Variants in IGSF11 observed in about 807,000 individuals in gnomAD.
IGSF11 encodes the protein CXADR like 1.
A neutral mutation model predicts 41.0 loss-of-function variants in IGSF11; 22 were observed. The observed-to-expected ratio is 0.54, with a 90% confidence interval of 0.38 to 0.77. IGSF11 has a LOEUF of 0.77. Among genes scored for constraint, IGSF11 ranks in the 30% least tolerant of loss-of-function variants. The pLI, the probability that IGSF11 is intolerant of heterozygous loss-of-function variation, is 0.00. For missense variants in IGSF11, 444 were observed against 530.8 expected (o/e 0.84, Z 1.61); for synonymous variants, 219 against 201.3 (o/e 1.09, Z -0.74).
chr3:118,979,285 C>T (rs1463375735), intron 1 of IGSF11, among the ~76,000 whole-genome samples: 1 of 151,828 alleles, frequency 6.6e-6, no homozygotes, highest in Non-Finnish European at 1.5e-5. Context: ...ATAAGGCAAC[C>T]AAATATTCAA....
At chr3:119,062,723 T>C (rs1256536997) in intron 1 of IGSF11, among the ~76,000 whole-genome samples, 1 of 152,196 alleles carries the variant, frequency 6.6e-6, no homozygotes, top group African/African-American at 2.4e-5. Context: ...CTATATTGAT[T>C]GATACTTCCA....
intron 1 of IGSF11, among the ~76,000 whole-genome samples, chr3:119,008,186 G>A (rs1333119373): frequency 2.0e-5 from 3 of 151,692 alleles, no homozygotes; most frequent in East Asian, 1.9e-4. Context: ...CAAAAAAAAC[G>A]TAAATAAAAA....
chr3:119,069,515 A>T (rs1386535772), intron 1 of IGSF11, among the ~76,000 whole-genome samples: 2 of 152,190 alleles, frequency 1.3e-5, no homozygotes, highest in African/African-American at 4.8e-5. Context: ...ACATATATTG[A>T]TTATGAAAAG....
intron 1 of IGSF11, among the ~76,000 whole-genome samples, chr3:119,054,937 C>T (rs922893534): frequency 7.9e-5 from 12 of 152,242 alleles, no homozygotes; most frequent in South Asian, 4.2e-4. Context: ...CAAGTACGGG[C>T]GGACTGACAC....
At position 119,042,354 on chromosome 3, in the gene IGSF11, A is replaced by G. The variant is rs145801690; in HGVS notation, c.49+62790T>C. ...TGAGAGCCCTGCTTGTTTTCTCAGC[A>G]GGGAGGGTTGTAGCCTTGGGCAAGA... On this transcript the variant is annotated intron_variant, in intron 1 of 6. Transcript: ENST00000354673. Among the ~76,000 whole-genome samples the G allele has an allele frequency of 3.1e-3, 479 of 152,334 alleles. 1 individual carries two copies. The highest frequency in any genetic ancestry group is 0.01 in the Middle Eastern group (3 of 294).
At chr3:119,123,100 G>C (rs1435063386) in intron 1 of IGSF11, among the ~76,000 whole-genome samples, 1 of 152,108 alleles carries the variant, frequency 6.6e-6, no homozygotes, top group Non-Finnish European at 1.5e-5. Flanking sequence ...CCCATGCTGG[G>C]CCAGAGGGAA....
chr3:119,053,668 C>T (rs1400298666), intron 1 of IGSF11, among the ~76,000 whole-genome samples: 1 of 151,990 alleles, frequency 6.6e-6, no homozygotes, highest in Non-Finnish European at 1.5e-5. Flanking sequence ...AAAAATAATC[C>T]TAAAATTTGT....
intron 4 of IGSF11, among the ~76,000 whole-genome samples, chr3:118,913,703 T>C (rs946914135): frequency 6.6e-6 from 1 of 152,154 alleles, no homozygotes; most frequent in Middle Eastern, 3.4e-3. Flanking sequence ...ATGACTGTGA[T>C]GAAAGAAGCA....
At chr3:119,065,058 T>A (rs78906827) in intron 1 of IGSF11, among the ~76,000 whole-genome samples, 7,030 of 152,280 alleles carry the variant, frequency 0.046, 298 homozygotes, top group Admixed American at 0.14. Context: ...TAAGTGTTGG[T>A]AGCTGGCCTC....
intron 1 of IGSF11, among the ~76,000 whole-genome samples, chr3:119,039,934 G>T (rs1941056380): frequency 6.6e-6 from 1 of 152,076 alleles, no homozygotes; most frequent in African/African-American, 2.4e-5. Flanking sequence ...TTTCATTCCT[G>T]GGCGTAGGCT....
chr3:118,971,839 G>A (rs544344721), intron 1 of IGSF11, among the ~76,000 whole-genome samples: 28 of 151,716 alleles, frequency 1.8e-4, no homozygotes, highest in African/African-American at 6.0e-4. Flanking sequence ...ACAGTTGCTG[G>A]ATAGAAGAAA....
At chr3:118,905,849 G>T in intron 4 of IGSF11, 131 bp from the exon 5 acceptor site, 1 of 972,082 alleles carries the variant, frequency 1.0e-6, no homozygotes, top group Non-Finnish European at 1.5e-6. Flanking sequence ...TGGGGGTAGG[G>T]TGAGAAATTA....
At chr3:119,135,106 A>G (rs1410507042) in intron 1 of IGSF11, among the ~76,000 whole-genome samples, 1 of 152,164 alleles carries the variant, frequency 6.6e-6, no homozygotes, top group Non-Finnish European at 1.5e-5. Flanking sequence ...AACCATAAAA[A>G]CCCTAGAAGA....
chr3:118,926,069 T>G, intron 4 of IGSF11, 32 bp downstream of exon 4: 1 of 1,411,150 alleles, frequency 7.1e-7, no homozygotes. Flanking sequence ...CCATGATAAC[T>G]AATAAAATGG....
intron 1 of IGSF11, among the ~76,000 whole-genome samples, chr3:119,070,650 C>G (rs918905462): frequency 6.6e-6 from 1 of 151,662 alleles, no homozygotes; most frequent in South Asian, 2.1e-4. Flanking sequence ...TTGATGTTTG[C>G]TTTGTTTTGG....
chr3:119,143,532 A>AC (rs2077677143), intron 1 of IGSF11, among the ~76,000 whole-genome samples: 1 of 152,182 alleles, frequency 6.6e-6, no homozygotes, highest in African/African-American at 2.4e-5. Context: ...AATCAACTAA[A>AC]CACAAAGGAT....
intron 1 of IGSF11, among the ~76,000 whole-genome samples, chr3:119,050,338 C>T (rs998268835): frequency 5.9e-5 from 9 of 152,242 alleles, no homozygotes; most frequent in African/African-American, 1.2e-4. Flanking sequence ...GGGCAAAGGA[C>T]GTGAACAGAC....
chr3:119,038,323 C>T (rs1940989270), upstream of IGSF11, among the ~76,000 whole-genome samples: 1 of 152,160 alleles, frequency 6.6e-6, no homozygotes, highest in African/African-American at 2.4e-5. Context: ...ATATTGATAT[C>T]TTGTTGTCTT....
chr3:118,926,419 A>G (rs1419930409), intron 3 of IGSF11, among the ~76,000 whole-genome samples, 163 bp from the exon 4 acceptor site: 1 of 152,172 alleles, frequency 6.6e-6, no homozygotes, highest in African/African-American at 2.4e-5. Flanking sequence ...GGCATGTACC[A>G]ATTCACGAGG....
Sources: allele counts gnomAD v4.1 joint callset (sites outside exome capture counted in the v4.1 genomes callset), GRCh38; gene constraint gnomAD v4.1.1; transcripts MANE v1.5; gene names NCBI Gene and HGNC (gene_info 2026-07-23, HGNC 2026-07-21).